Variants in DLC1 observed in about 807,000 individuals in gnomAD.
DLC1 encodes the protein rho GTPase-activating protein 7.
In DLC1, 54 loss-of-function variants were observed where a neutral mutation model predicts 140.3. The ratio of observed to expected loss-of-function variants is 0.38; its 90% CI spans 0.31 to 0.48. The LOEUF is 0.48. Among genes scored for constraint, DLC1 ranks in the 20% least tolerant of loss-of-function variants. The pLI is 0.96. For synonymous variants in DLC1, 986 were observed against 728.1 expected (o/e 1.35, Z -5.70); for missense variants, 2,536 against 1,907.0 (o/e 1.33, Z -6.14).
At chr8:13,543,499 A>T (rs1433659624) in intron 1 of DLC1, among the ~76,000 whole-genome samples, 1 of 152,288 alleles carries the variant, frequency 6.6e-6, no homozygotes, top group Non-Finnish European at 1.5e-5. Flanking sequence ...AAACCCGCAC[A>T]TGTATGTTTA....
chr8:13,305,674 A>C (rs1832389316), intron 4 of DLC1, among the ~76,000 whole-genome samples: 1 of 152,046 alleles, frequency 6.6e-6, no homozygotes, highest in South Asian at 2.1e-4. Flanking sequence ...CCATCTCTAC[A>C]AAAAATACAA....
At chr8:13,406,200 A>G (rs200925679) in intron 2 of DLC1, among the ~76,000 whole-genome samples, 4 of 25,428 alleles carry the variant, frequency 1.6e-4, no homozygotes, top group East Asian at 1.6e-3. Flanking sequence ...TTTTTTTTTC[A>G]GTGGAGACAG....
intron 2 of DLC1, among the ~76,000 whole-genome samples, chr8:13,459,059 T>G (rs1005413702): frequency 6.6e-6 from 1 of 152,214 alleles, no homozygotes. Context: ...GAATAATATT[T>G]AATAATGAAA....
chr8:13,153,557 A>T (rs1229394857), intron 5 of DLC1, among the ~76,000 whole-genome samples: 1 of 152,198 alleles, frequency 6.6e-6, no homozygotes, highest in Non-Finnish European at 1.5e-5. Flanking sequence ...ATGTGGTCCC[A>T]CCCACATCCT....
chr8:13,458,157 C>T (rs1249182736), intron 2 of DLC1, among the ~76,000 whole-genome samples: 6 of 152,124 alleles, frequency 3.9e-5, no homozygotes, highest in Non-Finnish European at 7.4e-5. Context: ...ATGTTTAAGT[C>T]ATACATGAAC....
chr8:13,207,328 G>C (rs1827714809), intron 5 of DLC1, among the ~76,000 whole-genome samples: 1 of 152,040 alleles, frequency 6.6e-6, no homozygotes, highest in African/African-American at 2.4e-5. Context: ...TTACTGTTAG[G>C]CTAGATAAAA....
rs554116314 is a variant in DLC1, at chr8:13,140,226, A to G, written c.1349-24569T>C. On this transcript the variant is annotated intron_variant, in intron 5 of 17. Coordinates refer to ENST00000276297, the MANE Select transcript of DLC1 (RefSeq NM_182643.3). Reference sequence around the variant, plus strand: ...TTTTTCTTAACAAGTTTATATCTATATCTATATCTATCTATATATTTTTCC... The same window carrying G: ...TTTTTCTTAACAAGTTTATATCTATGTCTATATCTATCTATATATTTTTCC... Among the ~76,000 whole-genome samples, 25 of 152,224 alleles carry G rather than the reference A, an allele frequency of 1.6e-4. No individual in the cohort carries two copies. In the South Asian group the frequency reaches 5.0e-3, roughly 30 times the overall value.
chr8:13,430,737 T>C (rs1432241231), intron 2 of DLC1, among the ~76,000 whole-genome samples: 1 of 152,200 alleles, frequency 6.6e-6, no homozygotes, highest in Non-Finnish European at 1.5e-5. Flanking sequence ...AATCAACATT[T>C]ATTTCTTGGT....
At chr8:13,420,606 T>A (rs1233348704) in intron 2 of DLC1, among the ~76,000 whole-genome samples, 4 of 152,034 alleles carry the variant, frequency 2.6e-5, no homozygotes, top group Non-Finnish European at 5.9e-5. Context: ...TTCCCCTCCT[T>A]GTGTTCCCCT....
At chr8:13,092,941 T>C in intron 12 of DLC1, 116 bp from the exon 13 acceptor site, 1 of 1,125,674 alleles carries the variant, frequency 8.9e-7, no homozygotes, top group Non-Finnish European at 1.3e-6. Flanking sequence ...GAACAAGCAC[T>C]TGTAGAAAGT....
intron 1 of DLC1, among the ~76,000 whole-genome samples, chr8:13,562,985 G>T (rs1010177887): frequency 2.0e-5 from 3 of 151,996 alleles, no homozygotes; most frequent in African/African-American, 7.2e-5. Context: ...ACACATGTAT[G>T]AGAGACGTAT....
chr8:13,361,854 C>G (rs1026202257), intron 4 of DLC1, among the ~76,000 whole-genome samples: 2 of 152,174 alleles, frequency 1.3e-5, no homozygotes, highest in African/African-American at 4.8e-5. Flanking sequence ...TATCAATAAT[C>G]TTCTATAAGT....
intron 5 of DLC1, among the ~76,000 whole-genome samples, chr8:13,268,226 A>T (rs1473710826): frequency 1.3e-5 from 2 of 152,228 alleles, no homozygotes; most frequent in African/African-American, 4.8e-5. Context: ...TATGATTAAA[A>T]ATACAACCTT....
intron 1 of DLC1, among the ~76,000 whole-genome samples, chr8:13,520,825 T>A (rs574538184): frequency 6.6e-6 from 1 of 152,202 alleles, no homozygotes; most frequent in South Asian, 2.1e-4. Flanking sequence ...GCTCTTCCTC[T>A]GTCAAAGCTT....
At chr8:13,093,216 A>T (rs1818231217) in intron 12 of DLC1, among the ~76,000 whole-genome samples, 2 of 152,236 alleles carry the variant, frequency 1.3e-5, no homozygotes, top group Admixed American at 1.3e-4. Context: ...TTTAGTGTTG[A>T]TGAAAAATCT....
chr8:13,102,630 T>C (rs1392415943), intron 8 of DLC1, among the ~76,000 whole-genome samples, 160 bp downstream of exon 8: 1 of 152,208 alleles, frequency 6.6e-6, no homozygotes, highest in African/African-American at 2.4e-5. Flanking sequence ...TGGCTTCAAC[T>C]ACATAAGGCT....
intron 4 of DLC1, among the ~76,000 whole-genome samples, chr8:13,362,717 A>C (rs1462443699): frequency 2.6e-5 from 4 of 152,128 alleles, no homozygotes; most frequent in Non-Finnish European, 5.9e-5. Context: ...AATTTACCAT[A>C]ATCTCTGTCT....
At position 13,099,515 on chromosome 8, in the gene DLC1, G is replaced by C; in HGVS notation, c.2822C>G (p.Ser941Cys). Residue 941 changes from serine (S) to cysteine (C), a missense_variant, in exon 9 of 18, where the codon TCT (serine) becomes TGT (cysteine). Transcript: ENST00000276297. Reference sequence around the variant, plus strand: ...CTGTTTTGGAGAGGACGGGCAGGGAGAGACCGAGTCCAGGGCTGAGTCCGA... The same window carrying C: ...CTGTTTTGGAGAGGACGGGCAGGGACAGACCGAGTCCAGGGCTGAGTCCGA... ...GDSDSALDSV[S>C]PCPSSPKQIH... is the part of the protein sequence containing the mutation. 4 of 1,614,178 alleles carry C rather than the reference G, an allele frequency of 2.5e-6. No individual in the cohort carries two copies. The South Asian group carries it at 4.4e-5, about 18-fold the overall frequency.
chr8:13,532,302 C>G (rs1803125525), intron 1 of DLC1, among the ~76,000 whole-genome samples: 1 of 152,114 alleles, frequency 6.6e-6, no homozygotes, highest in Non-Finnish European at 1.5e-5. Context: ...CCCACAAATG[C>G]TAGAAGAGGC....
Sources: gnomAD v4.1 joint callset for allele counts (sites outside exome capture counted in the v4.1 genomes callset) on GRCh38, gnomAD v4.1.1 for gene constraint, MANE v1.5 for transcripts, NCBI Gene and HGNC (gene_info 2026-07-23, HGNC 2026-07-21) for gene names.